Variants in FNDC3B observed in about 807,000 individuals in gnomAD.
The protein encoded by FNDC3B is fibronectin type III domain-containing protein 3B.
Under a neutral mutation model 151.5 loss-of-function variants are expected in FNDC3B, and 12 were observed. The observed-to-expected ratio is 0.08, with a 90% CI of 0.05 to 0.13. The LOEUF is 0.13. Ranked by LOEUF, FNDC3B falls within the 10% of genes least tolerant of loss-of-function variation. The pLI is 1.00. For missense variants in FNDC3B, 1,214 were observed against 1,505.3 expected (o/e 0.81, Z 3.20); for synonymous variants, 528 against 549.0 (o/e 0.96, Z 0.54).
At chr3:172,151,389 G>A (rs1230369279) in intron 3 of FNDC3B, among the ~76,000 whole-genome samples, 1 of 152,038 alleles carries the variant, frequency 6.6e-6, no homozygotes, top group Non-Finnish European at 1.5e-5. Context: ...CAATCTAAAT[G>A]TGCTTCTAAC....
In FNDC3B at chr3:172,331,778, C is replaced by T. The variant is rs540334486; in HGVS notation, c.1554+1063C>T. On this transcript the variant is annotated intron_variant, in intron 13 of 25. Transcript: ENST00000415807. The stretch of plus-strand genomic sequence containing the variant: ...TTTGACTCCCTTCCCTCATTTTCTT[C>T]AAGTCTGTTCTCATATGTCATTTCT... Among the ~76,000 whole-genome samples the T allele has an allele frequency of 5.3e-5, 8 of 152,260 alleles. No individual in the cohort carries two copies. The South Asian group carries it at 1.4e-3, about 28-fold the overall frequency.
chr3:172,299,438 AT>A, intron 9 of FNDC3B, among the ~76,000 whole-genome samples: 1 of 152,196 alleles, frequency 6.6e-6, no homozygotes, highest in Non-Finnish European at 1.5e-5. Flanking sequence ...TGTTATCTGA[AT>A]TTTTTAGAGA....
intron 3 of FNDC3B, among the ~76,000 whole-genome samples, chr3:172,182,101 G>C (rs964396464): frequency 3.9e-5 from 6 of 152,174 alleles, no homozygotes; most frequent in Admixed American, 2.6e-4. Context: ...CATCAGCATT[G>C]AGTTGTTTTT....
chr3:172,255,084 A>G (rs1728261818), intron 6 of FNDC3B, among the ~76,000 whole-genome samples: 1 of 152,116 alleles, frequency 6.6e-6, no homozygotes, highest in Non-Finnish European at 1.5e-5. Flanking sequence ...CTGCCTCTCA[A>G]AGTAGGCATC....
chr3:172,187,639 T>G (rs1004437896), intron 3 of FNDC3B, among the ~76,000 whole-genome samples: 1 of 152,204 alleles, frequency 6.6e-6, no homozygotes, highest in Middle Eastern at 3.2e-3. Context: ...TTGGGTAACT[T>G]CTTTCTTTGT....
rs999630288 is a variant in FNDC3B at position 172,040,925 on chromosome 3, T to C, written c.-29+1154T>C. Among the ~76,000 whole-genome samples, 15 of 151,772 alleles carry C rather than the reference T, an allele frequency of 9.9e-5. No homozygotes were observed. The highest frequency in any genetic ancestry group is 2.1e-4 in the Non-Finnish European group (14 of 67,912). On this transcript the variant is annotated intron_variant, in intron 1 of 25. Coordinates refer to ENST00000415807, the MANE Select transcript of FNDC3B (RefSeq NM_022763.4). This position sits in a 1 kb window ranked among gnomAD's most constrained non-coding sequence, Gnocchi z 6.6. Reference sequence around the variant, plus strand: ...CCTTTGGCGGGGAGGCTTCCAGGAGTGCGCGGTCGGAGTTGGAGCTTTTGG... The same window carrying C: ...CCTTTGGCGGGGAGGCTTCCAGGAGCGCGCGGTCGGAGTTGGAGCTTTTGG...
intron 3 of FNDC3B, among the ~76,000 whole-genome samples, chr3:172,167,319 C>G (rs1723055672): frequency 6.6e-6 from 1 of 152,134 alleles, no homozygotes. Context: ...TCGCTTGAAC[C>G]CAGGAGGCAG....
chr3:172,323,295 T>C (rs556568958), intron 11 of FNDC3B, among the ~76,000 whole-genome samples: 1 of 152,178 alleles, frequency 6.6e-6, no homozygotes, highest in South Asian at 2.1e-4. Flanking sequence ...CTAGTTCAGG[T>C]GGAAGGATAG....
intron 7 of FNDC3B, among the ~76,000 whole-genome samples, chr3:172,287,063 G>A (rs58933788): frequency 0.14 from 20,890 of 152,136 alleles, 1,604 homozygotes; most frequent in African/African-American, 0.2. Flanking sequence ...CTGGGCTTTC[G>A]GGTTTGGATG....
chr3:172,297,658 T>C (rs1040002484), intron 8 of FNDC3B, among the ~76,000 whole-genome samples: 2 of 152,116 alleles, frequency 1.3e-5, no homozygotes, highest in African/African-American at 2.4e-5. Flanking sequence ...GTATTTTTAG[T>C]AGAGACGGGG....
At chr3:172,377,272 G>C (rs1735199317) in intron 23 of FNDC3B, among the ~76,000 whole-genome samples, 4 of 152,200 alleles carry the variant, frequency 2.6e-5, no homozygotes, top group Non-Finnish European at 5.9e-5. Context: ...CTAGGAACAA[G>C]GCGTTGTGGT....
chr3:172,140,994 G>C (rs146870310), intron 3 of FNDC3B, among the ~76,000 whole-genome samples: 1 of 152,116 alleles, frequency 6.6e-6, no homozygotes, highest in South Asian at 2.1e-4. Context: ...TGGTCATTTC[G>C]TAGCTAATGC....
chr3:172,168,048 G>A (rs1320142720), intron 3 of FNDC3B, among the ~76,000 whole-genome samples: 1 of 152,224 alleles, frequency 6.6e-6, no homozygotes, highest in Non-Finnish European at 1.5e-5. Context: ...ATGCTATGAT[G>A]TAGGTCTTTT....
intron 10 of FNDC3B, among the ~76,000 whole-genome samples, 161 bp from the exon 11 acceptor site, chr3:172,310,667 T>C (rs1015668107): frequency 6.6e-6 from 1 of 152,242 alleles, no homozygotes; most frequent in Non-Finnish European, 1.5e-5. Flanking sequence ...TCAAAGTTAG[T>C]GTATGATGAT....
chr3:172,208,692 G>C (rs565621804), intron 3 of FNDC3B, among the ~76,000 whole-genome samples: 63 of 144,948 alleles, frequency 4.3e-4, no homozygotes, highest in African/African-American at 1.5e-3. Context: ...CTTGAGTTTT[G>C]CTCGTGCCTT....
chr3:172,269,435 A>AT (rs377668715), intron 6 of FNDC3B, among the ~76,000 whole-genome samples: 86 of 53,142 alleles, frequency 1.6e-3, no homozygotes, highest in Non-Finnish European at 1.8e-3. Context: ...ATTAAAAAAA[A>AT]TTTTTTTTTT....
At chr3:172,321,057 G>C (rs1732054432) in intron 11 of FNDC3B, among the ~76,000 whole-genome samples, 1 of 152,120 alleles carries the variant, frequency 6.6e-6, no homozygotes, top group Non-Finnish European at 1.5e-5. Context: ...TTTTCAAGTA[G>C]GTAGACCATC....
At chr3:172,269,420 G>C (rs1293348460) in intron 6 of FNDC3B, among the ~76,000 whole-genome samples, 1 of 141,346 alleles carries the variant, frequency 7.1e-6, no homozygotes, top group East Asian at 2.0e-4. Flanking sequence ...CACCATGGCT[G>C]GCTAATTAAA....
At chr3:172,279,227 C>T (rs13327493) in intron 6 of FNDC3B, among the ~76,000 whole-genome samples, 4 of 55,992 alleles carry the variant, frequency 7.1e-5, no homozygotes, top group African/African-American at 1.2e-4. Context: ...GAGTGGGGGG[C>T]GGGGGGCGGG....
Sources: gnomAD v4.1 joint callset for allele counts (sites outside exome capture counted in the v4.1 genomes callset) on GRCh38, gnomAD v4.1.1 for gene constraint, Gnocchi (gnomAD v3.1) non-coding constraint, MANE v1.5 for transcripts, NCBI Gene and HGNC (gene_info 2026-07-23, HGNC 2026-07-21) for gene names.